Variants in DEUP1 observed in about 807,000 individuals in gnomAD.
DEUP1 encodes the protein coiled-coil domain containing 67.
DEUP1 carries 82 observed loss-of-function variants against 87.4 expected under a neutral mutation model. The ratio of observed to expected loss-of-function variants is 0.94; its 90% CI spans 0.78 to 1.13. DEUP1 has a LOEUF of 1.13. Among genes scored for constraint, DEUP1 ranks in the 50% most tolerant of loss-of-function variants. DEUP1 has a pLI of 0.00. For synonymous variants in DEUP1, 214 were observed against 222.7 expected (o/e 0.96, Z 0.35); for missense variants, 663 against 681.5 (o/e 0.97, Z 0.30).
chr11:93,355,308 T>A, intron 2 of DEUP1, 63 bp from the exon 3 acceptor site: 1 of 1,410,540 alleles, frequency 7.1e-7, no homozygotes, highest in South Asian at 1.2e-5. Context: ...AGCAATGTAA[T>A]AATTTTTTTT....
At chr11:93,346,589 G>A (rs959296255) in intron 2 of DEUP1, among the ~76,000 whole-genome samples, 37 of 152,088 alleles carry the variant, frequency 2.4e-4, no homozygotes, top group African/African-American at 8.5e-4. Flanking sequence ...GAATGTCATA[G>A]GTAGCTTAAC....
At chr11:93,352,506 A>G (rs1324383812) in intron 2 of DEUP1, 2 of 648,124 alleles carry the variant, frequency 3.1e-6, no homozygotes, top group Non-Finnish European at 5.6e-6. Context: ...TCCTGGACCC[A>G]AGATATTACT....
intron 12 of DEUP1, among the ~76,000 whole-genome samples, chr11:93,409,472 T>C (rs1393484263): frequency 6.6e-6 from 1 of 152,224 alleles, no homozygotes; most frequent in East Asian, 1.9e-4. Context: ...TTTTATACAA[T>C]ATTTCTCAGA....
intron 9 of DEUP1, among the ~76,000 whole-genome samples, chr11:93,390,319 G>C (rs1946728624): frequency 1.3e-5 from 2 of 152,100 alleles, no homozygotes; most frequent in African/African-American, 4.8e-5. Context: ...TGAGTATCTA[G>C]GAGAACTATA....
upstream of DEUP1, chr11:93,330,098 A>C (rs1397700955): frequency 6.6e-5 from 10 of 152,362 alleles, no homozygotes; most frequent in African/African-American, 2.4e-4. Flanking sequence ...GTCAGGTACA[A>C]GCTGATGCTG....
intron 7 of DEUP1, among the ~76,000 whole-genome samples, chr11:93,380,424 G>A (rs1293145751): frequency 2.0e-5 from 3 of 149,086 alleles, no homozygotes; most frequent in Admixed American, 6.6e-5. Flanking sequence ...TTTTTGAGAC[G>A]GAGACTGGCT....
At chr11:93,365,529 C>T (rs1001281760) in intron 5 of DEUP1, among the ~76,000 whole-genome samples, 7 of 151,986 alleles carry the variant, frequency 4.6e-5, no homozygotes, top group Admixed American at 3.3e-4. Flanking sequence ...ATATTCCATT[C>T]GACTGACTTT....
At chr11:93,377,103 A>G (rs1946076667) in intron 7 of DEUP1, among the ~76,000 whole-genome samples, 3 of 152,084 alleles carry the variant, frequency 2.0e-5, no homozygotes, top group South Asian at 2.1e-4. Context: ...CAGTTGTTGC[A>G]TAGACTGTAA....
chr11:93,332,537 G>C (rs898846718), intron 2 of DEUP1, among the ~76,000 whole-genome samples: 140 of 152,282 alleles, frequency 9.2e-4, no homozygotes, highest in African/African-American at 3.1e-3. Context: ...CAATATCTAA[G>C]GGTGGTGGAT....
chr11:93,427,208 T>C (rs1302106852), intron 13 of DEUP1, among the ~76,000 whole-genome samples: 1 of 150,778 alleles, frequency 6.6e-6, no homozygotes, highest in Non-Finnish European at 1.5e-5. Context: ...GGCATCATGC[T>C]ACCTGACTTC....
Position 93,370,101 on chromosome 11 carries a change from A to G in DEUP1, c.461A>G (p.Asp154Gly), listed in dbSNP as rs770156602. ...TTTAGAGCAAAGTCAAGAGAATGGG[A>G]CAAGCAAGAGATATTATATCAGACT... ...EEFRAKSREW[D>G]KQEILYQTHL... The change falls in exon 6 of 14, where the codon GAC (aspartate) becomes GGC (glycine). Residue 154 changes from aspartate to glycine, a missense_variant. Transcript: ENST00000298050. 2.5e-6 allele frequency: 4 copies of G among 1,605,406 alleles called. No homozygotes were observed. The South Asian group carries it at 4.5e-5, about 18-fold the overall frequency.
chr11:93,367,878 G>A (rs1057149336), intron 5 of DEUP1, among the ~76,000 whole-genome samples: 1 of 152,012 alleles, frequency 6.6e-6, no homozygotes, highest in Non-Finnish European at 1.5e-5. Flanking sequence ...GTTTTTGTTC[G>A]TACATTCATG....
rs5793640 is a variant in DEUP1 at position 93,437,743 on chromosome 11, T to TCCCC, written c.*30_*33dup. The stretch of plus-strand genomic sequence containing the variant: ...GAGCTTTTAAACTTTTTTATTTGCT[T>TCCCC]CCCCCCCCCACCCCCGCCAAGAAAA... On this transcript the variant is annotated 3_prime_UTR_variant, in exon 14 of 14. Coordinates refer to ENST00000298050, the MANE Select transcript of DEUP1 (RefSeq NM_181645.4). The TCCCC allele has an allele frequency of 1.2e-4, 112 of 929,156 alleles. 1 individual carries two copies. Among genetic ancestry groups the TCCCC allele is most frequent in the African/African-American group, 4.0e-4 (20 of 50,628 alleles). The allele number at this position is 929,156 out of a possible 1,614,324, so 57.6% of individuals were successfully genotyped here. A position where few individuals can be genotyped will look rare whatever the true frequency, so the allele number is the denominator to read the frequency against.
intron 2 of DEUP1, among the ~76,000 whole-genome samples, chr11:93,342,210 A>G (rs1369424848): frequency 6.6e-6 from 1 of 152,220 alleles, no homozygotes; most frequent in Non-Finnish European, 1.5e-5. Flanking sequence ...GAAGTGAAAC[A>G]GGGAAGGCAG....
chr11:93,384,135 AC>A (rs1330403375), intron 7 of DEUP1, among the ~76,000 whole-genome samples: 5 of 152,126 alleles, frequency 3.3e-5, no homozygotes, highest in Non-Finnish European at 7.3e-5. Flanking sequence ...ATGGTCCCCA[AC>A]CTCAAATGAG....
rs746176150 is a variant in DEUP1, at chr11:93,405,061, A to AT, written c.1327-3169dup. On this transcript the variant is annotated intron_variant, in intron 11 of 13. Coordinates refer to ENST00000298050, the MANE Select transcript of DEUP1 (RefSeq NM_181645.4). Reference sequence around the variant, plus strand: ...CTTAATTACTTTAAACCAACATTGGATAAAAAAAATCACAGATTAAATCTA... The same window carrying AT: ...CTTAATTACTTTAAACCAACATTGGATTAAAAAAAATCACAGATTAAATCTA... 2.9e-5 allele frequency among the ~76,000 whole-genome samples: 4 copies of AT among 139,558 alleles called. No homozygotes were observed. In the South Asian group the frequency reaches 7.6e-4, roughly 26 times the overall value. 91.6% of individuals were successfully genotyped at this position (139,558 alleles called of 152,430 possible).
intron 2 of DEUP1, among the ~76,000 whole-genome samples, chr11:93,340,662 G>T (rs561319740): frequency 9.2e-5 from 14 of 152,324 alleles, no homozygotes; most frequent in African/African-American, 2.9e-4. Flanking sequence ...CAGATTGATA[G>T]ATGTAGACAT....
At chr11:93,335,272 C>A (rs1204393132) in intron 2 of DEUP1, among the ~76,000 whole-genome samples, 1 of 144,480 alleles carries the variant, frequency 6.9e-6, no homozygotes, top group African/African-American at 2.4e-5. Flanking sequence ...ATGATTTTGA[C>A]TCTGTCAATT....
Position 93,336,580 on chromosome 11 carries a change from G to A in DEUP1, c.29+4292G>A, listed in dbSNP as rs542158249. On this transcript the variant is annotated intron_variant, in intron 2 of 13. Coordinates refer to ENST00000298050, the MANE Select transcript of DEUP1 (RefSeq NM_181645.4). Reference sequence around the variant, plus strand: ...CAGCATTCTGGGAGCTGAAAAGGATGAGGGGGCTGAATTCAGACTTACATT... The same window carrying A: ...CAGCATTCTGGGAGCTGAAAAGGATAAGGGGGCTGAATTCAGACTTACATT... Among the ~76,000 whole-genome samples, 5 of 151,528 alleles carry A rather than the reference G, an allele frequency of 3.3e-5. No individual in the cohort carries two copies. In the East Asian group the frequency reaches 9.7e-4, roughly 29 times the overall value.
Sources: allele counts gnomAD v4.1 joint callset (sites outside exome capture counted in the v4.1 genomes callset), GRCh38; gene constraint gnomAD v4.1.1; transcripts MANE v1.5; gene names NCBI Gene and HGNC (gene_info 2026-07-23, HGNC 2026-07-21).